The following PCDHGC4 variants were observed in gnomAD, a reference collection of about 807,000 sequenced individuals.
The protein encoded by PCDHGC4 is protocadherin gamma subfamily C, 4, also known as protocadherin gamma-C4.
PCDHGC4 carries 15 observed loss-of-function variants against 59.7 expected under a neutral mutation model. That is an observed-to-expected ratio of 0.25 (90% CI 0.17 to 0.39). The LOEUF (loss-of-function observed/expected upper bound fraction) is 0.39. Among genes scored for constraint, PCDHGC4 ranks in the 10% least tolerant of loss-of-function variants. PCDHGC4 has a pLI of 1.00. For missense variants in PCDHGC4, 1,016 were observed against 1,189.5 expected (o/e 0.85, Z 2.15); for synonymous variants, 434 against 481.4 (o/e 0.90, Z 1.29).
intron 2 of PCDHGC4, among the ~76,000 whole-genome samples, chr5:141,500,682 G>A (rs1661676761): frequency 6.6e-6 from 1 of 152,044 alleles, no homozygotes; most frequent in African/African-American, 2.4e-5. Context: ...CAGAATTATA[G>A]CTTTTTTCTT....
chr5:141,511,115 A>G lies in PCDHGC4; in HGVS notation c.2759A>G (p.Lys920Arg). 6.2e-7 allele frequency: 1 copy of G among 1,614,214 alleles called. No individual in the cohort carries two copies. Among genetic ancestry groups the G allele is most frequent in the Non-Finnish European group, 8.5e-7 (1 of 1,180,006 alleles). ...AACGCAGCTGGCAAGCGGGATGGCA[A>G]GGCCCCAGCAGGTGGCAATGGCAAC... Reference protein sequence around the residue: ...LTNAAGKRDGKAPAGGNGNKK... With the variant: ...LTNAAGKRDGRAPAGGNGNKK... Residue 920 changes from lysine (K) to arginine (R), a missense_variant, in exon 4 of 4, where the codon AAG becomes AGG. Coordinates refer to ENST00000306593, the MANE Select transcript of PCDHGC4 (RefSeq NM_018928.3).
rs756706355 is a variant in PCDHGC4 at position 141,486,950 on chromosome 5, G to A, written c.1777G>A (p.Val593Met). Residue 593 changes from valine (V) to methionine (M), a missense_variant, in exon 1 of 4, where the codon GTG (valine) becomes ATG (methionine). Physicochemically the swap from Val to Met is conservative, Grantham distance 21. Transcript: ENST00000306593. This position sits in a 1 kb window ranked among gnomAD's most constrained non-coding sequence, Gnocchi z 5.0. Reference protein sequence around the residue: ...SVGAGHLITKVTAVDLDSGYN... With the variant: ...SVGAGHLITKMTAVDLDSGYN... The stretch of plus-strand genomic sequence containing the variant: ...TGGTGCTGGCCACCTAATCACAAAG[G>A]TGACTGCTGTGGACTTGGATTCAGG... 2 of 1,614,202 alleles carry A rather than the reference G, an allele frequency of 1.2e-6. No homozygotes were observed. The highest frequency in any genetic ancestry group is 1.7e-6 in the Non-Finnish European group (2 of 1,180,044).
At position 141,494,820 on chromosome 5, in the gene PCDHGC4, A is replaced by G; in HGVS notation, c.2456A>G (p.Asn819Ser). ...TTTTCTCCACAGCAAGCCCCGCCCA[A>G]CACGGACTGGCGTTTCTCTCAGGCC... ...LLYGLEQAPP[N>S]TDWRFSQAQR... Residue 819 changes from asparagine to serine, a missense_variant, in exon 2 of 4, where the codon AAC becomes AGC. By Grantham distance (46) the Asn-to-Ser change is conservative. Transcript: ENST00000306593. 1.2e-6 allele frequency: 2 copies of G among 1,613,988 alleles called. No individual in the cohort carries two copies. Among genetic ancestry groups the G allele is most frequent in the Middle Eastern group, 1.6e-4 (1 of 6,062 alleles).
Position 141,486,335 on chromosome 5 carries a change from C to T in PCDHGC4, c.1162C>T (p.Arg388Cys), listed in dbSNP as rs762408704. ...DSGSNGDVSL[R>C]IPDHLPFALK... ...AGGGTCAAACGGAGATGTGAGCCTC[C>T]GCATTCCTGACCACTTGCCATTTGC... The change falls in exon 1 of 4, where the codon CGC becomes TGC. Residue 388 changes from arginine (R) to cysteine (C), a missense_variant. Transcript: ENST00000306593. The surrounding 1 kb of genome is among the most constrained non-coding windows in gnomAD (Gnocchi z 5.0). 6.2e-6 allele frequency: 10 copies of T among 1,613,936 alleles called. No individual in the cohort carries two copies. Among genetic ancestry groups the T allele is most frequent in the Middle Eastern group, 1.6e-4 (1 of 6,082 alleles).
In PCDHGC4 at chr5:141,511,186, G is replaced by T; in HGVS notation, c.*13G>T. On this transcript the variant is annotated 3_prime_UTR_variant, in exon 4 of 4. Transcript: ENST00000306593. ...GGAGAAGAAGTAACATGGAGGCCAG[G>T]CCAAGAGCCACAGGGCGGCCTCTCC... 6.2e-7 allele frequency: 1 copy of T among 1,613,906 alleles called. No individual in the cohort carries two copies. The highest frequency in any genetic ancestry group is 2.2e-5 in the East Asian group (1 of 44,876).
rs776349562 is a variant in PCDHGC4 at position 141,491,131 on chromosome 5, G to T, written c.2442+3516G>T. The T allele has an allele frequency of 6.2e-7, 1 of 1,614,182 alleles. No individual in the cohort carries two copies. Among genetic ancestry groups the T allele is most frequent in the Non-Finnish European group, 8.5e-7 (1 of 1,180,008 alleles). On this transcript the variant is annotated intron_variant, in intron 1 of 3. Coordinates refer to ENST00000306593, the MANE Select transcript of PCDHGC4 (RefSeq NM_018928.3). This position sits in a 1 kb window ranked among gnomAD's most constrained non-coding sequence, Gnocchi z 6.9. ...TACACACACTGGTGAGGTGCGCACA[G>T]CCCGGGCCTTACTGGAGGATGACTC...
intron 1 of PCDHGC4, chr5:141,492,015 G>A (rs117345436): frequency 3.3e-6 from 2 of 600,492 alleles, no homozygotes; most frequent in African/African-American, 1.9e-5. Context: ...CGCGGGTGTC[G>A]GGGGTCCCGG....
chr5:141,501,439 C>G (rs1245306644), intron 2 of PCDHGC4, among the ~76,000 whole-genome samples: 1 of 151,978 alleles, frequency 6.6e-6, no homozygotes, highest in Non-Finnish European at 1.5e-5. Context: ...TCCATTTCTT[C>G]CATTTTTACT....
chr5:141,500,433 T>C (rs1398344932), intron 2 of PCDHGC4, among the ~76,000 whole-genome samples: 1 of 151,764 alleles, frequency 6.6e-6, no homozygotes, highest in East Asian at 1.9e-4. Context: ...ATGGTCTCGA[T>C]CTCCTGACCT....
At chr5:141,503,502 G>A (rs750139098) in intron 2 of PCDHGC4, among the ~76,000 whole-genome samples, 5 of 151,828 alleles carry the variant, frequency 3.3e-5, no homozygotes, top group Admixed American at 2.0e-4. Context: ...AAGAGGCTGA[G>A]GCAGGAGAAT....
At position 141,491,960 on chromosome 5, in the gene PCDHGC4, A is replaced by T. The variant is rs1380758016; in HGVS notation, c.2443-2847A>T. The T allele has an allele frequency of 1.0e-6, 1 of 984,842 alleles. No individual in the cohort carries two copies. The highest frequency in any genetic ancestry group is 3.0e-5 in the East Asian group (1 of 33,312). 61.0% of individuals were successfully genotyped at this position (984,842 alleles called of 1,614,324 possible). A position where few individuals can be genotyped will look rare whatever the true frequency, so the allele number is the denominator to read the frequency against. On this transcript the variant is annotated intron_variant, in intron 1 of 3. Coordinates refer to ENST00000306593, the MANE Select transcript of PCDHGC4 (RefSeq NM_018928.3). The surrounding 1 kb of genome is among the most constrained non-coding windows in gnomAD (Gnocchi z 6.9). ...CGACCCCCACCCCTACACTCAAAAA[A>T]GGCCGGGGCCTCCTTCGAGCTTCCG...
chr5:141,491,168 A>G lies in PCDHGC4; in HGVS notation c.2442+3553A>G. On this transcript the variant is annotated intron_variant, in intron 1 of 3. Coordinates refer to ENST00000306593, the MANE Select transcript of PCDHGC4 (RefSeq NM_018928.3). The surrounding 1 kb of genome is among the most constrained non-coding windows in gnomAD (Gnocchi z 6.9). Reference sequence around the variant, plus strand: ...CTGGAGGATGACTCTGACACCCAGCAGGTGGTGGTCCTGGTGAGGGACAAT... The same window carrying G: ...CTGGAGGATGACTCTGACACCCAGCGGGTGGTGGTCCTGGTGAGGGACAAT... 2 of 1,614,160 alleles carry G rather than the reference A, an allele frequency of 1.2e-6. No homozygotes were observed.
In PCDHGC4 at chr5:141,489,242, TG is replaced by T; in HGVS notation, c.2442+1631del. 6.5e-7 allele frequency: 1 copy of T among 1,534,498 alleles called. No homozygotes were observed. The highest frequency in any genetic ancestry group is 2.3e-5 in the East Asian group (1 of 44,312). On this transcript the variant is annotated intron_variant, in intron 1 of 3. Transcript: ENST00000306593. The surrounding 1 kb of genome is among the most constrained non-coding windows in gnomAD (Gnocchi z 4.5). ...TCTCCACAAAGGGACTTCTGGGTCA[TG>T]GGGCCCAAGACACTCCCACAGCTCG...
intron 2 of PCDHGC4, among the ~76,000 whole-genome samples, chr5:141,504,722 C>T (rs747319660): frequency 1.3e-5 from 2 of 151,828 alleles, no homozygotes; most frequent in Non-Finnish European, 2.9e-5. Context: ...GGATTTTACT[C>T]TGAGGGCTTA....
chr5:141,500,350 A>G (rs2099799466), intron 2 of PCDHGC4, among the ~76,000 whole-genome samples: 1 of 151,976 alleles, frequency 6.6e-6, no homozygotes, highest in African/African-American at 2.4e-5. Flanking sequence ...CTGGGACTAC[A>G]GGCGCCCACT....
At chr5:141,497,691 C>T (rs2099778682) in intron 2 of PCDHGC4, among the ~76,000 whole-genome samples, 1 of 152,066 alleles carries the variant, frequency 6.6e-6, no homozygotes, top group African/African-American at 2.4e-5. Flanking sequence ...AGGTGTGCAC[C>T]ACCACACCCA....
rs771124496 is a variant in PCDHGC4, at chr5:141,489,457, C to A, written c.2442+1842C>A. The A allele has an allele frequency of 6.2e-7, 1 of 1,613,882 alleles. No homozygotes were observed. The highest frequency in any genetic ancestry group is 8.5e-7 in the Non-Finnish European group (1 of 1,179,984). ...GCAATTGGGCTCTGAGGAGAATGGG[C>A]GCTATTTTTCCCTGAGCTTGATGAG... On this transcript the variant is annotated intron_variant, in intron 1 of 3. Coordinates refer to ENST00000306593, the MANE Select transcript of PCDHGC4 (RefSeq NM_018928.3). This position sits in a 1 kb window ranked among gnomAD's most constrained non-coding sequence, Gnocchi z 4.5.
At chr5:141,508,570 C>T (rs1164806696) in intron 3 of PCDHGC4, among the ~76,000 whole-genome samples, 21 of 152,198 alleles carry the variant, frequency 1.4e-4, no homozygotes. Context: ...GTCACTTGCA[C>T]CCACTCGGGG....
intron 3 of PCDHGC4, among the ~76,000 whole-genome samples, chr5:141,509,583 A>G (rs1008344833): frequency 7.2e-5 from 11 of 152,320 alleles, no homozygotes; most frequent in African/African-American, 2.4e-4. Flanking sequence ...CGTACAAATC[A>G]GCTGGCAATT....
Sources: gnomAD v4.1 joint callset for allele counts (sites outside exome capture counted in the v4.1 genomes callset) on GRCh38, gnomAD v4.1.1 for gene constraint, Gnocchi (gnomAD v3.1) non-coding constraint, MANE v1.5 for transcripts, NCBI Gene and HGNC (gene_info 2026-07-23, HGNC 2026-07-21) for gene names.